The following KIAA1671 variants were observed in gnomAD, a reference collection of about 807,000 sequenced individuals.
KIAA1671 encodes the protein uncharacterized protein KIAA1671.
A neutral mutation model predicts 131.2 loss-of-function variants in KIAA1671; 52 were observed. The ratio of observed to expected loss-of-function variants is 0.40; its 90% CI spans 0.32 to 0.50. KIAA1671 has a LOEUF of 0.50. Ranked by LOEUF, KIAA1671 falls within the 20% of genes least tolerant of loss-of-function variation. The pLI is 0.73. For synonymous variants in KIAA1671, 1,003 were observed against 961.6 expected, an observed-to-expected ratio of 1.04 and a Z score of -0.80; for missense variants, 2,360 against 2,364.2, an observed-to-expected ratio of 1.00 and a Z score of 0.04.
intron 6 of KIAA1671, among the ~76,000 whole-genome samples, chr22:25,122,858 C>A (rs996624097): frequency 1.3e-5 from 2 of 152,024 alleles, no homozygotes; most frequent in Non-Finnish European, 2.9e-5. Flanking sequence ...GCCTGTAGTC[C>A]CAGCTACTCA....
intron 6 of KIAA1671, chr22:25,061,582 C>T (rs112740937): frequency 2.6e-5 from 4 of 152,354 alleles, no homozygotes; most frequent in African/African-American, 9.6e-5. Context: ...CACTGCCATC[C>T]TGTGAGGGAG....
At chr22:25,037,755 T>C (rs1926694383) in intron 4 of KIAA1671, among the ~76,000 whole-genome samples, 2 of 152,194 alleles carry the variant, frequency 1.3e-5, no homozygotes, top group South Asian at 4.1e-4. Context: ...TGGAGTCTTA[T>C]ATAGCTTTTT....
intron 6 of KIAA1671, among the ~76,000 whole-genome samples, chr22:25,141,110 C>T (rs1932800866): frequency 6.6e-6 from 1 of 152,174 alleles, no homozygotes; most frequent in Non-Finnish European, 1.5e-5. Flanking sequence ...ATCACCCTGC[C>T]AAATTACCCC....
intron 1 of KIAA1671, among the ~76,000 whole-genome samples, chr22:24,983,615 C>T (rs932831787): frequency 7.7e-5 from 9 of 117,268 alleles, no homozygotes; most frequent in Middle Eastern, 0.01. Context: ...GGTGGGGGGG[C>T]GGGGGTGGTT....
intron 6 of KIAA1671, among the ~76,000 whole-genome samples, chr22:25,121,640 A>G (rs533943454): frequency 8.5e-5 from 13 of 152,302 alleles, no homozygotes; most frequent in Non-Finnish European, 1.9e-4. Context: ...ACCATAGCCA[A>G]TTGTAAGCTT....
intron 1 of KIAA1671, among the ~76,000 whole-genome samples, chr22:25,000,064 T>C (rs1330143609): frequency 3.3e-5 from 5 of 151,822 alleles, no homozygotes; most frequent in African/African-American, 1.2e-4. Flanking sequence ...TTTTGTATTT[T>C]AGTAGAGATG....
At chr22:25,147,013 G>A (rs1168995859) in intron 6 of KIAA1671, among the ~76,000 whole-genome samples, 1 of 152,078 alleles carries the variant, frequency 6.6e-6, no homozygotes, top group Non-Finnish European at 1.5e-5. Context: ...GAAGCTCCAG[G>A]TTTAAGAGCA....
At chr22:25,150,544 C>G (rs1024875776) in intron 6 of KIAA1671, among the ~76,000 whole-genome samples, 1 of 152,154 alleles carries the variant, frequency 6.6e-6, no homozygotes, top group East Asian at 1.9e-4. Context: ...CCCCCGACAC[C>G]CCAACACCCT....
intron 4 of KIAA1671, among the ~76,000 whole-genome samples, chr22:25,036,527 A>T (rs1296201650): frequency 7.2e-5 from 11 of 152,230 alleles, no homozygotes; most frequent in Non-Finnish European, 1.6e-4. Context: ...TATAAATAAT[A>T]CAAAGAGAGT....
At chr22:25,011,520 C>A (rs1398852310) in intron 1 of KIAA1671, 2 of 152,156 alleles carry the variant, frequency 1.3e-5, no homozygotes, top group East Asian at 3.8e-4. Context: ...ACCCTGACTT[C>A]AGGTGATCCG....
chr22:25,079,898 C>T (rs879342067), intron 6 of KIAA1671, among the ~76,000 whole-genome samples: 16 of 151,878 alleles, frequency 1.1e-4, no homozygotes, highest in Non-Finnish European at 2.4e-4. Flanking sequence ...AGTAAGGGGA[C>T]CAGTAAGGAA....
intron 6 of KIAA1671, among the ~76,000 whole-genome samples, chr22:25,106,472 T>C (rs1440563433): frequency 6.6e-6 from 1 of 152,212 alleles, no homozygotes; most frequent in Non-Finnish European, 1.5e-5. Context: ...AGGTACTAGC[T>C]GCATCGATGG....
At position 25,195,410 on chromosome 22, in the gene KIAA1671, G is replaced by A. The variant is rs1471169256; in HGVS notation, c.*3009G>A. 2 of 152,170 alleles carry A rather than the reference G, an allele frequency of 1.3e-5. No homozygotes were observed. The highest frequency in any genetic ancestry group is 4.8e-5 in the African/African-American group (2 of 41,438). The allele number at this position is 152,170 out of a possible 1,614,324, so 9.4% of individuals were successfully genotyped here. On this transcript the variant is annotated 3_prime_UTR_variant, in exon 13 of 13. Transcript: ENST00000358431. ...ACTCTGGTGAAAGAGAAACCTCGTGGTCTTTAGGATGTTGGGATTTTGAGT... is the reference window on the plus strand; with the variant it reads ...ACTCTGGTGAAAGAGAAACCTCGTGATCTTTAGGATGTTGGGATTTTGAGT...
chr22:25,057,420 C>T (rs1254599678), intron 6 of KIAA1671: 4 of 152,062 alleles, frequency 2.6e-5, no homozygotes, highest in Non-Finnish European at 5.9e-5. Flanking sequence ...GCAAAGCCTC[C>T]CTTGTGGAGT....
intron 6 of KIAA1671, among the ~76,000 whole-genome samples, chr22:25,147,129 C>T (rs1385836281): frequency 1.3e-5 from 2 of 151,874 alleles, no homozygotes; most frequent in African/African-American, 4.8e-5. Flanking sequence ...CTGTCTGTGC[C>T]ATGCAGCATT....
chr22:25,111,977 T>G (rs1467640317), intron 6 of KIAA1671: 2 of 369,212 alleles, frequency 5.4e-6, no homozygotes, highest in African/African-American at 4.2e-5. Context: ...GCGGCACCCG[T>G]GGATGCAGCC....
chr22:25,045,013 T>A (rs1927146117), intron 5 of KIAA1671, among the ~76,000 whole-genome samples: 2 of 152,088 alleles, frequency 1.3e-5, no homozygotes, highest in South Asian at 4.2e-4. Flanking sequence ...ACAAAAAAAT[T>A]AGCCGGGCAC....
intron 6 of KIAA1671, chr22:25,057,214 T>C (rs1893314196): frequency 6.6e-6 from 1 of 152,122 alleles, no homozygotes; most frequent in Admixed American, 6.5e-5. Flanking sequence ...CCTTGCAACT[T>C]GGGAGGAGAA....
Position 25,039,038 on chromosome 22 carries a change from C to T in KIAA1671, c.1908C>T (p.Pro636=). Residue 636 remains proline, a synonymous_variant, in exon 5 of 13, where the codon CCC becomes CCT. Coordinates refer to ENST00000358431, the MANE Select transcript of KIAA1671 (RefSeq NM_001145206.2). ...DQSGRCLSTT[P]PGDMAHARVS... ...CGGGACGTTGTCTCTCCACCACACC[C>T]CCTGGTGACATGGCCCATGCCCGTG... 1 of 1,551,748 alleles carries T rather than the reference C, an allele frequency of 6.4e-7. No homozygotes were observed. The highest frequency in any genetic ancestry group is 8.7e-7 in the Non-Finnish European group (1 of 1,147,028).
Sources: gnomAD v4.1 joint callset for allele counts (sites outside exome capture counted in the v4.1 genomes callset) on GRCh38, gnomAD v4.1.1 for gene constraint, MANE v1.5 for transcripts, NCBI Gene and HGNC (gene_info 2026-07-23, HGNC 2026-07-21) for gene names.